Variants in SLC9A9 observed in about 807,000 individuals in gnomAD.
SLC9A9 encodes sodium/hydrogen exchanger 9.
SLC9A9 carries 62 observed loss-of-function variants against 77.8 expected under a neutral mutation model. That is an observed-to-expected ratio of 0.80 (90% CI 0.65 to 0.98). SLC9A9 has a LOEUF of 0.98. Ranked by LOEUF, SLC9A9 falls within the 50% of genes least tolerant of loss-of-function variation. The pLI is 0.00. For missense variants in SLC9A9, 775 were observed against 774.9 expected (o/e 1.00, Z 0.00); for synonymous variants, 320 against 283.5 (o/e 1.13, Z -1.29).
chr3:143,290,216 ATAAT>A (rs1293875758), intron 14 of SLC9A9, among the ~76,000 whole-genome samples: 2 of 152,160 alleles, frequency 1.3e-5, no homozygotes, highest in Non-Finnish European at 2.9e-5. Context: ...CTGTACATAA[ATAAT>A]AGGCATAAAA....
At chr3:143,732,073 A>G (rs1934819481) in intron 4 of SLC9A9, among the ~76,000 whole-genome samples, 1 of 152,214 alleles carries the variant, frequency 6.6e-6, no homozygotes, top group African/African-American at 2.4e-5. Context: ...GATCTGCTCC[A>G]GGAACCCTGT....
chr3:143,816,759 T>C (rs1045834139), intron 2 of SLC9A9, among the ~76,000 whole-genome samples: 1 of 152,212 alleles, frequency 6.6e-6, no homozygotes, highest in African/African-American at 2.4e-5. Context: ...CTACCCAATT[T>C]ACACTCCCAT....
At chr3:143,741,276 C>G (rs73009477) in intron 4 of SLC9A9, among the ~76,000 whole-genome samples, 2 of 152,094 alleles carry the variant, frequency 1.3e-5, no homozygotes, top group East Asian at 1.9e-4. Flanking sequence ...GACTCTCCCC[C>G]CAAAAAATCA....
chr3:143,417,975 G>A (rs1459457185), intron 12 of SLC9A9, among the ~76,000 whole-genome samples: 3 of 151,528 alleles, frequency 2.0e-5, no homozygotes, highest in Non-Finnish European at 4.4e-5. Flanking sequence ...CATTCTACGT[G>A]GTTACTCAAT....
Position 143,303,056 on chromosome 3 carries a change from TC to T in SLC9A9, c.1605-34077del, listed in dbSNP as rs541578010. ...AGGGACAACTGGCTCTCCAGGCATTTCCCTTCCGGACTTCCAGTGTGACACA... is the reference window on the plus strand; with the variant it reads ...AGGGACAACTGGCTCTCCAGGCATTTCCTTCCGGACTTCCAGTGTGACACA... On this transcript the variant is annotated intron_variant, in intron 14 of 15. Transcript: ENST00000316549. Among the ~76,000 whole-genome samples the T allele has an allele frequency of 3.2e-3, 491 of 152,306 alleles. 3 individuals carry two copies. The highest frequency in any genetic ancestry group is 0.012 in the African/African-American group (481 of 41,568).
At chr3:143,667,228 G>C (rs931258814) in intron 5 of SLC9A9, among the ~76,000 whole-genome samples, 1 of 152,104 alleles carries the variant, frequency 6.6e-6, no homozygotes, top group African/African-American at 2.4e-5. Context: ...AAAGAAATGG[G>C]GAAAGGATTC....
intron 13 of SLC9A9, among the ~76,000 whole-genome samples, chr3:143,370,473 T>A (rs2033026867): frequency 6.6e-6 from 1 of 152,022 alleles, no homozygotes; most frequent in Non-Finnish European, 1.5e-5. Context: ...TGTACCTGCT[T>A]CATTGTATTC....
chr3:143,375,444 C>A (rs1196162213), intron 13 of SLC9A9, among the ~76,000 whole-genome samples: 1 of 152,228 alleles, frequency 6.6e-6, no homozygotes, highest in East Asian at 1.9e-4. Context: ...CAATGTATCA[C>A]TTCTGATGCT....
intron 13 of SLC9A9, among the ~76,000 whole-genome samples, chr3:143,372,923 A>G (rs187094394): frequency 9.8e-4 from 150 of 152,296 alleles, no homozygotes; most frequent in African/African-American, 3.4e-3. Flanking sequence ...TTACTCCTGC[A>G]AGAATGGCCA....
intron 14 of SLC9A9, among the ~76,000 whole-genome samples, chr3:143,356,271 G>A (rs987254504): frequency 6.6e-6 from 1 of 152,182 alleles, no homozygotes; most frequent in Non-Finnish European, 1.5e-5. Context: ...TGTTGGTTCT[G>A]AGAGGCCAGT....
intron 6 of SLC9A9, among the ~76,000 whole-genome samples, chr3:143,628,044 T>C (rs2038360928): frequency 6.6e-6 from 1 of 152,248 alleles, no homozygotes; most frequent in Admixed American, 6.5e-5. Context: ...ATGTATTATG[T>C]ATTTTACCCT....
At chr3:143,311,236 A>G (rs991892405) in intron 14 of SLC9A9, among the ~76,000 whole-genome samples, 8 of 152,164 alleles carry the variant, frequency 5.3e-5, no homozygotes, top group African/African-American at 1.9e-4. Flanking sequence ...ATTGGGTAAG[A>G]GTGTTTATAC....
At chr3:143,520,400 A>T (rs2036276811) in intron 9 of SLC9A9, among the ~76,000 whole-genome samples, 1 of 152,224 alleles carries the variant, frequency 6.6e-6, no homozygotes, top group South Asian at 2.1e-4. Flanking sequence ...CAAACCAGGA[A>T]GAGAGTCCTC....
At chr3:143,645,224 G>A (rs1326321623) in intron 6 of SLC9A9, among the ~76,000 whole-genome samples, 3 of 152,188 alleles carry the variant, frequency 2.0e-5, no homozygotes, top group Non-Finnish European at 2.9e-5. Flanking sequence ...TATGTGTTGT[G>A]AGGGATGGAG....
intron 4 of SLC9A9, among the ~76,000 whole-genome samples, chr3:143,748,224 C>G (rs1481985238): frequency 6.6e-6 from 1 of 152,174 alleles, no homozygotes; most frequent in African/African-American, 2.4e-5. Flanking sequence ...GATATTCAGG[C>G]CCATGATATG....
chr3:143,738,940 C>T (rs1330933829), intron 4 of SLC9A9, among the ~76,000 whole-genome samples: 3 of 152,172 alleles, frequency 2.0e-5, no homozygotes, highest in Admixed American at 6.5e-5. Flanking sequence ...ATGTGTCCTT[C>T]AGACTGAAGC....
intron 5 of SLC9A9, among the ~76,000 whole-genome samples, chr3:143,655,301 C>G (rs748078549): frequency 3.3e-5 from 5 of 152,158 alleles, no homozygotes; most frequent in Non-Finnish European, 7.3e-5. Flanking sequence ...TCTGCCCACA[C>G]CTTGCAAGGC....
At chr3:143,581,203 T>C (rs1409736202) in intron 6 of SLC9A9, among the ~76,000 whole-genome samples, 3 of 151,856 alleles carry the variant, frequency 2.0e-5, no homozygotes, top group African/African-American at 7.3e-5. Flanking sequence ...TTCCAGGCAG[T>C]GGAAAGAGTG....
chr3:143,468,554 C>G (rs2035323496), intron 11 of SLC9A9, among the ~76,000 whole-genome samples: 2 of 152,114 alleles, frequency 1.3e-5, no homozygotes, highest in Non-Finnish European at 2.9e-5. Context: ...ATTGTTTTAG[C>G]TATTCTAGTT....
Sources: allele counts gnomAD v4.1 joint callset (sites outside exome capture counted in the v4.1 genomes callset), GRCh38; gene constraint gnomAD v4.1.1; transcripts MANE v1.5; gene names NCBI Gene and HGNC (gene_info 2026-07-23, HGNC 2026-07-21).